HDGFL3: variants seen among roughly 807,000 people sequenced by gnomAD.
The protein encoded by HDGFL3 is hepatoma-derived growth factor-related protein 3.
In HDGFL3, 6 loss-of-function variants were observed where a neutral mutation model predicts 27.6. The observed-to-expected ratio is 0.22, with a 90% CI of 0.12 to 0.43. HDGFL3 has a LOEUF of 0.43. Among genes scored for constraint, HDGFL3 ranks in the 20% least tolerant of loss-of-function variants. The pLI is 1.00. For synonymous variants in HDGFL3, 88 were observed against 88.9 expected, an observed-to-expected ratio of 0.99 and a Z score of 0.05; for missense variants, 207 against 250.1, an observed-to-expected ratio of 0.83 and a Z score of 1.16.
chr15:83,150,555 AT>A (rs2036951249), intron 5 of HDGFL3, among the ~76,000 whole-genome samples: 1 of 152,148 alleles, frequency 6.6e-6, no homozygotes, highest in Non-Finnish European at 1.5e-5. Context: ...AACCAGATAA[AT>A]TTCTTAGGTC....
chr15:83,203,840 T>C (rs1596572753), intron 1 of HDGFL3, among the ~76,000 whole-genome samples: 1 of 151,526 alleles, frequency 6.6e-6, no homozygotes, highest in East Asian at 1.9e-4. Context: ...AGAAAGCACA[T>C]GTATATATAA....
intron 1 of HDGFL3, 93 bp from the exon 2 acceptor site, chr15:83,164,168 A>T (rs2037134559): frequency 1.2e-6 from 1 of 809,946 alleles, no homozygotes; most frequent in South Asian, 1.9e-5. Flanking sequence ...TCAAAATAAA[A>T]TCAATCAAAA....
exon 4 of HDGFL3, chr15:83,115,454 C>T: frequency 2.7e-6 from 1 of 367,352 alleles, no homozygotes; most frequent in Non-Finnish European, 5.3e-6. Context: ...CACTTCTATG[C>T]TTCCTTGGCC....
chr15:83,197,927 T>C (rs1372248825), intron 1 of HDGFL3, among the ~76,000 whole-genome samples: 1 of 121,880 alleles, frequency 8.2e-6, no homozygotes, highest in Non-Finnish European at 1.7e-5. Flanking sequence ...CCCAGCTAAT[T>C]GGGAGGCTGA....
At chr15:83,177,224 A>G (rs930060617) in intron 1 of HDGFL3, among the ~76,000 whole-genome samples, 2 of 152,212 alleles carry the variant, frequency 1.3e-5, no homozygotes, top group East Asian at 1.9e-4. Flanking sequence ...TTTTTATATA[A>G]GAATCAAAAT....
chr15:83,117,325 G>C (rs1318241879), intron 3 of HDGFL3, among the ~76,000 whole-genome samples: 1 of 152,164 alleles, frequency 6.6e-6, no homozygotes, highest in African/African-American at 2.4e-5. Flanking sequence ...GGGCTTTGCA[G>C]GTCTTGAGCT....
chr15:83,134,618 CT>C lies in HDGFL3; in HGVS notation c.*4651del, dbSNP rs1355633950. ...GGAAAAGAGCCTACGGAATCACTGA[CT>C]TTTTACACAGGCTCCCCTATGCAAG... On this transcript the variant is annotated 3_prime_UTR_variant, in exon 6 of 6. Transcript: ENST00000299633. The C allele has an allele frequency of 6.6e-6, 1 of 152,188 alleles. No individual in the cohort carries two copies. Among genetic ancestry groups the C allele is most frequent in the Non-Finnish European group, 1.5e-5 (1 of 68,032 alleles). The allele number at this position is 152,188 out of a possible 1,614,324, so 9.4% of individuals were successfully genotyped here.
chr15:83,143,903 T>G, intron 5 of HDGFL3, among the ~76,000 whole-genome samples: 1 of 151,950 alleles, frequency 6.6e-6, no homozygotes, highest in East Asian at 1.9e-4. Flanking sequence ...TTGTGTTTTT[T>G]TTGTTTGTTT....
intron 2 of HDGFL3, among the ~76,000 whole-genome samples, chr15:83,162,865 T>C (rs1220933325): frequency 6.6e-6 from 1 of 152,212 alleles, no homozygotes; most frequent in Non-Finnish European, 1.5e-5. Context: ...TTTCTCCACA[T>C]TTCCAATTTG....
Position 83,207,216 on chromosome 15 carries a change from CAGCCGGCCGCG to C in HDGFL3, c.84+104_84+114del. ...GCCGCGCCGCCCTCAGCCCTCACCACAGCCGGCCGCGAGCTGCGGGCTCGGGGCTGAGGCGA... is the reference window on the plus strand; with the variant it reads ...GCCGCGCCGCCCTCAGCCCTCACCACAGCTGCGGGCTCGGGGCTGAGGCGA... On this transcript the variant is annotated intron_variant, in intron 1 of 5. Transcript: ENST00000299633. This position sits in a 1 kb window ranked among gnomAD's most constrained non-coding sequence, Gnocchi z 4.8. The C allele has an allele frequency of 1.4e-6, 1 of 701,610 alleles. No homozygotes were observed. The highest frequency in any genetic ancestry group is 2.0e-6 in the Non-Finnish European group (1 of 496,444). The allele number at this position is 701,610 out of a possible 1,614,324, so 43.5% of individuals were successfully genotyped here. A position where few individuals can be genotyped will look rare whatever the true frequency, so the allele number is the denominator to read the frequency against.
In HDGFL3 at chr15:83,174,525, C is replaced by G. The variant is rs1344944681; in HGVS notation, c.85-10450G>C. On this transcript the variant is annotated intron_variant, in intron 1 of 5. Transcript: ENST00000299633. Reference sequence around the variant, plus strand: ...AAAAAAAAAAAACCTCAAAATGAATCTGTATAATATGAATTGTAGTAAAAA... The same window carrying G: ...AAAAAAAAAAAACCTCAAAATGAATGTGTATAATATGAATTGTAGTAAAAA... Among the ~76,000 whole-genome samples, 7 of 130,692 alleles carry G rather than the reference C, an allele frequency of 5.4e-5. No homozygotes were observed. In the East Asian group the frequency reaches 1.2e-3, roughly 23 times the overall value. 85.7% of individuals were successfully genotyped at this position (130,692 alleles called of 152,430 possible). A position where few individuals can be genotyped will look rare whatever the true frequency, so the allele number is the denominator to read the frequency against.
chr15:83,172,845 G>C (rs1237335741), intron 1 of HDGFL3, among the ~76,000 whole-genome samples: 2 of 150,500 alleles, frequency 1.3e-5, no homozygotes, highest in Admixed American at 6.6e-5. Context: ...AAAAGGAAAA[G>C]AAACTGTATT....
rs1567161942 is a variant in HDGFL3, at chr15:83,136,457, A to T, written c.*2813T>A. 31 of 1,157,434 alleles carry T rather than the reference A, an allele frequency of 2.7e-5. No individual in the cohort carries two copies. Among genetic ancestry groups the T allele is most frequent in the South Asian group, 8.3e-5 (5 of 59,946 alleles). 71.7% of individuals were successfully genotyped at this position (1,157,434 alleles called of 1,614,324 possible). A position where few individuals can be genotyped will look rare whatever the true frequency, so the allele number is the denominator to read the frequency against. On this transcript the variant is annotated 3_prime_UTR_variant, in exon 6 of 6. Transcript: ENST00000299633. ...ACTGAACACGTTTCATGCTTACTCA[A>T]TTTTTTTTTTTTAAATGCAACAGGC...
chr15:83,142,208 G>A (rs1221394879), intron 5 of HDGFL3, among the ~76,000 whole-genome samples: 1 of 152,054 alleles, frequency 6.6e-6, no homozygotes, highest in Non-Finnish European at 1.5e-5. Context: ...CTACCATAAA[G>A]ACACATGCAT....
intron 1 of HDGFL3, among the ~76,000 whole-genome samples, chr15:83,171,755 G>A (rs2037249387): frequency 6.6e-6 from 1 of 152,080 alleles, no homozygotes; most frequent in African/African-American, 2.4e-5. Flanking sequence ...ATGGGAGGGA[G>A]GGGGACAAGG....
exon 4 of HDGFL3, chr15:83,113,275 T>C (rs888871642): frequency 3.3e-5 from 10 of 303,166 alleles, no homozygotes; most frequent in Non-Finnish European, 5.7e-5. Flanking sequence ...GTGTGGTGTC[T>C]GGGTCTGCAC....
chr15:83,122,758 G>C (rs1202992825), downstream of HDGFL3: 2 of 1,613,490 alleles, frequency 1.2e-6, no homozygotes, highest in Non-Finnish European at 1.7e-6. Flanking sequence ...TTTAAATAGG[G>C]AAGTATGGAA....
chr15:83,192,271 T>C (rs777540282), intron 1 of HDGFL3: 3 of 455,256 alleles, frequency 6.6e-6, no homozygotes, highest in South Asian at 3.1e-5. Context: ...AGGATACAGA[T>C]ATGAAGACAG....
intron 1 of HDGFL3, among the ~76,000 whole-genome samples, chr15:83,199,915 G>A (rs936821782): frequency 6.6e-6 from 1 of 151,686 alleles, no homozygotes; most frequent in Admixed American, 6.6e-5. Flanking sequence ...GCATGGTGGT[G>A]GGCACCTGTA....
Sources: allele counts gnomAD v4.1 joint callset (sites outside exome capture counted in the v4.1 genomes callset), GRCh38; gene constraint gnomAD v4.1.1; non-coding constraint Gnocchi (gnomAD v3.1); transcripts MANE v1.5; gene names NCBI Gene and HGNC (gene_info 2026-07-23, HGNC 2026-07-21).